The following DZANK1 variants were observed in gnomAD, a reference collection of about 807,000 sequenced individuals.
DZANK1 encodes double zinc ribbon and ankyrin repeat-containing protein 1.
Under a neutral mutation model 94.5 loss-of-function variants are expected in DZANK1, and 91 were observed. That is an observed-to-expected ratio of 0.96 (90% CI 0.81 to 1.15). The LOEUF (loss-of-function observed/expected upper bound fraction) is 1.15. Ranked by LOEUF, DZANK1 falls within the 50% of genes most tolerant of loss-of-function variation. The pLI is 0.00. For synonymous variants in DZANK1, 312 were observed against 325.3 expected (o/e 0.96, Z 0.44); for missense variants, 903 against 916.4 (o/e 0.99, Z 0.19).
intron 9 of DZANK1, among the ~76,000 whole-genome samples, chr20:18,429,172 C>A (rs972793072): frequency 5.9e-5 from 9 of 152,178 alleles, no homozygotes; most frequent in Non-Finnish European, 1.3e-4. Flanking sequence ...AATTTCCTGT[C>A]TCCATGTTAA....
chr20:18,409,681 A>C (rs781288141), intron 13 of DZANK1, among the ~76,000 whole-genome samples: 10 of 152,180 alleles, frequency 6.6e-5, no homozygotes, highest in Non-Finnish European at 1.0e-4. Flanking sequence ...CAGATTCAAA[A>C]AGAGAGTATG....
intron 4 of DZANK1, among the ~76,000 whole-genome samples, chr20:18,454,980 G>T (rs1054775135): frequency 6.6e-6 from 1 of 152,194 alleles, no homozygotes; most frequent in African/African-American, 2.4e-5. Flanking sequence ...AAGGTTTCTG[G>T]TTTTTTCAGT....
chr20:18,415,219 C>T (rs1450522016), intron 11 of DZANK1, 108 bp downstream of exon 11: 16 of 1,194,138 alleles, frequency 1.3e-5, no homozygotes, highest in Non-Finnish European at 1.5e-5. Flanking sequence ...GTACCAGTAG[C>T]GAAATCACAA....
At chr20:18,451,769 T>C (rs2059109876) in intron 6 of DZANK1, 2 of 445,044 alleles carry the variant, frequency 4.5e-6, no homozygotes, top group Non-Finnish European at 8.8e-6. Flanking sequence ...TCCCCTTCCC[T>C]CTCATCCGTC....
intron 20 of DZANK1, among the ~76,000 whole-genome samples, 188 bp from the exon 21 acceptor site, chr20:18,384,752 C>T (rs1475663389): frequency 2.0e-5 from 3 of 152,188 alleles, no homozygotes; most frequent in Non-Finnish European, 4.4e-5. Flanking sequence ...TTTAAAGAGG[C>T]TCTGTGATTT....
intron 17 of DZANK1, among the ~76,000 whole-genome samples, chr20:18,391,320 G>A (rs905074822): frequency 6.6e-5 from 10 of 151,966 alleles, no homozygotes; most frequent in Non-Finnish European, 1.2e-4. Flanking sequence ...TGCAACCTCC[G>A]TCTCATAGGT....
At chr20:18,403,853 G>T (rs1462386046) in intron 13 of DZANK1, among the ~76,000 whole-genome samples, 1 of 140,904 alleles carries the variant, frequency 7.1e-6, no homozygotes, top group African/African-American at 2.7e-5. Context: ...AGGTAGGAGT[G>T]CAGTGGCATG....
At chr20:18,395,050 C>T (rs2056259909) in intron 15 of DZANK1, among the ~76,000 whole-genome samples, 1 of 152,202 alleles carries the variant, frequency 6.6e-6, no homozygotes, top group Admixed American at 6.5e-5. Flanking sequence ...CTAGAACATG[C>T]AGGCTAACAA....
At chr20:18,426,746 T>A (rs1256030698) in intron 10 of DZANK1, among the ~76,000 whole-genome samples, 2 of 152,166 alleles carry the variant, frequency 1.3e-5, no homozygotes, top group African/African-American at 2.4e-5. Flanking sequence ...GTGGAGGGGA[T>A]GACAAAGACA....
At chr20:18,417,024 C>CAAAAAAAAAA (rs758353663) in intron 10 of DZANK1, among the ~76,000 whole-genome samples, 3 of 52,900 alleles carry the variant, frequency 5.7e-5, no homozygotes, top group African/African-American at 5.7e-5. Context: ...ATCAAAAAAA[C>CAAAAAAAAAA]AAAAAAAAAC....
intron 8 of DZANK1, among the ~76,000 whole-genome samples, chr20:18,434,357 C>A (rs993261568): frequency 2.6e-5 from 4 of 151,768 alleles, no homozygotes; most frequent in Non-Finnish European, 4.4e-5. Context: ...CCAGCCTGGT[C>A]AACATAGTGA....
chr20:18,422,628 T>A (rs184904366), intron 10 of DZANK1, among the ~76,000 whole-genome samples: 110 of 152,258 alleles, frequency 7.2e-4, no homozygotes, highest in African/African-American at 2.4e-3. Context: ...AAGAATTTCA[T>A]GTTTAGACTT....
chr20:18,465,971 A>G (rs567930310), intron 1 of DZANK1, among the ~76,000 whole-genome samples: 1 of 152,202 alleles, frequency 6.6e-6, no homozygotes, highest in Non-Finnish European at 1.5e-5. Flanking sequence ...ATAAACAGTG[A>G]CCAATAAACA....
chr20:18,431,170 G>T (rs2058267898), intron 9 of DZANK1, among the ~76,000 whole-genome samples: 1 of 151,848 alleles, frequency 6.6e-6, no homozygotes, highest in Non-Finnish European at 1.5e-5. Context: ...TTCTGAAATA[G>T]GTATCTTTGC....
intron 4 of DZANK1, 36 bp from the exon 5 acceptor site, chr20:18,453,863 T>A: frequency 1.6e-6 from 2 of 1,229,682 alleles, no homozygotes; most frequent in Non-Finnish European, 2.4e-6. Flanking sequence ...ATCACTTGGT[T>A]ATTCCCATGT....
chr20:18,455,047 C>T (rs981356978), intron 4 of DZANK1, among the ~76,000 whole-genome samples, 200 bp downstream of exon 4: 2 of 152,222 alleles, frequency 1.3e-5, no homozygotes, highest in Non-Finnish European at 2.9e-5. Flanking sequence ...TCAGCAGGAA[C>T]TCTCATCTTC....
chr20:18,423,752 GT>G (rs2057903947), intron 10 of DZANK1, among the ~76,000 whole-genome samples: 1 of 152,054 alleles, frequency 6.6e-6, no homozygotes, highest in Admixed American at 6.6e-5. Context: ...ATGAGAAAAT[GT>G]TTTAAACTGA....
chr20:18,462,659 T>C (rs1430179039), intron 2 of DZANK1, among the ~76,000 whole-genome samples: 7 of 152,186 alleles, frequency 4.6e-5, no homozygotes, highest in African/African-American at 1.7e-4. Context: ...GGATGTAAGT[T>C]AATTCAGCCA....
chr20:18,433,631 T>C, intron 9 of DZANK1, 21 bp downstream of exon 9: 1 of 1,604,484 alleles, frequency 6.2e-7, no homozygotes. Flanking sequence ...TTCATGTTTT[T>C]ACAGAATCAC....
Sources: gnomAD v4.1 joint callset for allele counts (sites outside exome capture counted in the v4.1 genomes callset) on GRCh38, gnomAD v4.1.1 for gene constraint, MANE v1.5 for transcripts, NCBI Gene and HGNC (gene_info 2026-07-23, HGNC 2026-07-21) for gene names.